GRAMD2B: variants seen among roughly 807,000 people sequenced by gnomAD.
GRAMD2B encodes GRAM domain-containing protein 2B.
GRAMD2B carries 41 observed loss-of-function variants against 59.2 expected under a neutral mutation model. That is an observed-to-expected ratio of 0.69 (90% CI 0.54 to 0.90). GRAMD2B has a LOEUF of 0.90. GRAMD2B is among the 40% of genes least tolerant of loss of function. The pLI is 0.00. For synonymous variants in GRAMD2B, 161 were observed against 182.7 expected, an observed-to-expected ratio of 0.88 and a Z score of 0.96; for missense variants, 424 against 500.5, an observed-to-expected ratio of 0.85 and a Z score of 1.46.
intron 1 of GRAMD2B, among the ~76,000 whole-genome samples, chr5:126,388,884 T>A (rs1393991911): frequency 3.3e-5 from 5 of 151,934 alleles, no homozygotes; most frequent in Non-Finnish European, 5.9e-5. Flanking sequence ...GGGGTGAGAA[T>A]TGAAAAATTA....
At chr5:126,461,629 GTC>G (rs1767386797) in intron 1 of GRAMD2B, among the ~76,000 whole-genome samples, 1 of 151,752 alleles carries the variant, frequency 6.6e-6, no homozygotes, top group Non-Finnish European at 1.5e-5. Flanking sequence ...GCGAAACCCC[GTC>G]TCTACTAAAA....
intron 1 of GRAMD2B, among the ~76,000 whole-genome samples, chr5:126,432,981 T>C (rs1389681424): frequency 6.6e-6 from 1 of 152,214 alleles, no homozygotes; most frequent in Non-Finnish European, 1.5e-5. Flanking sequence ...AGCTGACATT[T>C]ACAAGTACTT....
upstream of GRAMD2B, among the ~76,000 whole-genome samples, chr5:126,370,474 A>G (rs2149690122): frequency 6.6e-6 from 1 of 152,326 alleles, no homozygotes; most frequent in Non-Finnish European, 1.5e-5. Flanking sequence ...CTGTGGAACA[A>G]ATCTTTCACT....
intron 1 of GRAMD2B, among the ~76,000 whole-genome samples, chr5:126,398,391 T>C (rs79715701): frequency 0.016 from 2,493 of 152,210 alleles, 58 homozygotes; most frequent in African/African-American, 0.057. Flanking sequence ...TTCTTCTAAT[T>C]TACCCAGTTT....
At chr5:126,382,750 G>C (rs561361209) in intron 1 of GRAMD2B, among the ~76,000 whole-genome samples, 31 of 152,178 alleles carry the variant, frequency 2.0e-4, no homozygotes, top group Admixed American at 1.8e-3. Context: ...TGATCTTTTG[G>C]GGGTGTTAAA....
chr5:126,481,809 A>C (rs1253921593), intron 8 of GRAMD2B, among the ~76,000 whole-genome samples: 1 of 152,114 alleles, frequency 6.6e-6, no homozygotes, highest in African/African-American at 2.4e-5. Context: ...CTGCTAAAAA[A>C]TACAAAAAAT....
At chr5:126,480,383 A>G (rs1051142268) in intron 6 of GRAMD2B, 73 bp from the exon 7 acceptor site, 36 of 1,053,752 alleles carry the variant, frequency 3.4e-5, no homozygotes, top group African/African-American at 2.5e-4. Context: ...GTATACAGAT[A>G]CTTTTCTGAA....
chr5:126,360,306 C>CCCAGAG (rs2149680641), exon 1 of GRAMD2B: 2 of 1,550,466 alleles, frequency 1.3e-6, no homozygotes, highest in East Asian at 4.9e-5. Flanking sequence ...CCCAGAGTTT[C>CCCAGAG]TTGAAGATCA....
chr5:126,462,791 G>C (rs1457117067), intron 1 of GRAMD2B, among the ~76,000 whole-genome samples: 1 of 152,204 alleles, frequency 6.6e-6, no homozygotes, highest in East Asian at 1.9e-4. Context: ...CTTTTAAGCA[G>C]TGTGGAGGAT....
chr5:126,398,209 A>G (rs1428527499), intron 1 of GRAMD2B, among the ~76,000 whole-genome samples: 1 of 151,502 alleles, frequency 6.6e-6, no homozygotes, highest in Non-Finnish European at 1.5e-5. Context: ...TATTGTAGAG[A>G]AAGGTCTCTC....
upstream of GRAMD2B, among the ~76,000 whole-genome samples, chr5:126,421,885 T>C (rs896475841): frequency 2.6e-5 from 4 of 152,232 alleles, no homozygotes; most frequent in African/African-American, 9.6e-5. Context: ...ATCTAAACTT[T>C]ATTTTAAGAG....
At chr5:126,433,884 T>G (rs958414834) in intron 1 of GRAMD2B, 1 of 152,358 alleles carries the variant, frequency 6.6e-6, no homozygotes, top group South Asian at 2.1e-4. Flanking sequence ...GCACAAAATC[T>G]TTTTGAAATT....
At chr5:126,432,289 G>A (rs1467582899) in intron 1 of GRAMD2B, among the ~76,000 whole-genome samples, 1 of 152,084 alleles carries the variant, frequency 6.6e-6, no homozygotes, top group African/African-American at 2.4e-5. Context: ...ATATATATCA[G>A]GTGTATGATT....
intron 1 of GRAMD2B, among the ~76,000 whole-genome samples, chr5:126,427,901 T>C (rs1406097710): frequency 6.6e-6 from 1 of 152,204 alleles, no homozygotes; most frequent in Admixed American, 6.5e-5. Flanking sequence ...TCTCTATCTA[T>C]GTATGTGTGT....
At chr5:126,412,118 T>G (rs558688536) in intron 1 of GRAMD2B, among the ~76,000 whole-genome samples, 5 of 152,078 alleles carry the variant, frequency 3.3e-5, no homozygotes, top group Non-Finnish European at 5.9e-5. Context: ...TCTTGCCTGA[T>G]TGCTCTGACG....
At chr5:126,477,484 A>C (rs766366081) in intron 5 of GRAMD2B, among the ~76,000 whole-genome samples, 5 of 152,156 alleles carry the variant, frequency 3.3e-5, no homozygotes, top group Admixed American at 6.5e-5. Context: ...ATTAAGATTT[A>C]TCCTCTGGCT....
chr5:126,400,057 T>C (rs1397038779), intron 1 of GRAMD2B, among the ~76,000 whole-genome samples: 1 of 151,878 alleles, frequency 6.6e-6, no homozygotes, highest in African/African-American at 2.4e-5. Context: ...TCTTTGTGAT[T>C]TGATTTTTTT....
At chr5:126,482,805 T>C (rs1198346916) in intron 8 of GRAMD2B, among the ~76,000 whole-genome samples, 1 of 152,210 alleles carries the variant, frequency 6.6e-6, no homozygotes, top group East Asian at 1.9e-4. Context: ...GCCAGGACAT[T>C]TTAATGACAC....
chr5:126,465,010 C>T, intron 1 of GRAMD2B: 1 of 980,412 alleles, frequency 1.0e-6, no homozygotes, highest in Non-Finnish European at 1.2e-6. Context: ...AAGAGAAATG[C>T]AAACAAAAGG....
Sources: gnomAD v4.1 joint callset for allele counts (sites outside exome capture counted in the v4.1 genomes callset) on GRCh38, gnomAD v4.1.1 for gene constraint, MANE v1.5 for transcripts, NCBI Gene and HGNC (gene_info 2026-07-23, HGNC 2026-07-21) for gene names.